The following CACNA1D variants were observed in gnomAD, a reference collection of about 807,000 sequenced individuals.
The protein encoded by CACNA1D is voltage-dependent L-type calcium channel subunit alpha-1D.
In CACNA1D, 55 loss-of-function variants were observed where a neutral mutation model predicts 257.1. The observed-to-expected ratio is 0.21, with a 90% confidence interval of 0.17 to 0.27. CACNA1D has a LOEUF of 0.27. CACNA1D is among the 10% of genes least tolerant of loss of function. The probability of loss-of-function intolerance (pLI) is 1.00; values close to 1 mark genes in which losing one functional copy is unlikely to be tolerated. For missense variants in CACNA1D, 1,876 were observed against 2,784.0 expected (o/e 0.67, Z 7.34); for synonymous variants, 980 against 1,014.9 (o/e 0.97, Z 0.65).
intron 3 of CACNA1D, among the ~76,000 whole-genome samples, chr3:53,642,200 T>A (rs2093961851): frequency 6.6e-6 from 1 of 152,172 alleles, no homozygotes; most frequent in African/African-American, 2.4e-5. Flanking sequence ...ACTGGCACAC[T>A]TTCTCTTCAT....
chr3:53,510,837 G>C (rs543972603), intron 3 of CACNA1D, among the ~76,000 whole-genome samples: 1 of 152,242 alleles, frequency 6.6e-6, no homozygotes, highest in African/African-American at 2.4e-5. Context: ...CCACAAACCT[G>C]AGCCCTAGAT....
rs375811590 is a variant in CACNA1D at position 53,811,337 on chromosome 3, C to T, written c.6417C>T (p.Asp2139=). Residue 2139 remains aspartate (D), a synonymous_variant, in exon 48 of 48, where the codon GAC becomes GAT. Transcript: ENST00000350061. This position sits in a 1 kb window ranked among gnomAD's most constrained non-coding sequence, Gnocchi z 4.2. ...AGGACTTTGGTCCTGGCTACAGCGACGAAGAGCCAGACCCTGGGAGGGATG... is the reference window on the plus strand; with the variant it reads ...AGGACTTTGGTCCTGGCTACAGCGATGAAGAGCCAGACCCTGGGAGGGATG... ...ELQDFGPGYS[D]EEPDPGRDEE... is the part of the protein sequence containing the mutation. 134 of 1,605,270 alleles carry T rather than the reference C, an allele frequency of 8.3e-5. No individual in the cohort carries two copies. In the African/African-American group the frequency reaches 1.4e-3, roughly 17 times the overall value.
chr3:53,776,090 T>G (rs574074507), intron 35 of CACNA1D, 45 bp downstream of exon 35: 12 of 1,563,800 alleles, frequency 7.7e-6, no homozygotes, highest in Admixed American at 1.7e-5. Context: ...CAGATGCTTA[T>G]GTAGCAGTCA....
At chr3:53,609,594 G>C (rs183680389) in intron 3 of CACNA1D, among the ~76,000 whole-genome samples, 1 of 152,102 alleles carries the variant, frequency 6.6e-6, no homozygotes, top group Admixed American at 6.5e-5. Context: ...TATTTTCAAA[G>C]TCTATAGGTA....
Position 53,690,259 on chromosome 3 carries a change from C to G in CACNA1D, c.1221-12382C>G, listed in dbSNP as rs1263247055. ...TGTCTTCCCAGCCTGGGTCTGTGCT[C>G]GTACATCCTCAGCTGCTGTATTCTC... On this transcript the variant is annotated intron_variant, in intron 8 of 47. Coordinates refer to ENST00000350061, the MANE Select transcript of CACNA1D (RefSeq NM_001128840.3). 2.6e-5 allele frequency among the ~76,000 whole-genome samples: 4 copies of G among 152,320 alleles called. No individual in the cohort carries two copies. In the East Asian group the frequency reaches 5.8e-4, roughly 22 times the overall value.
chr3:53,600,490 A>G (rs1473777238), intron 3 of CACNA1D, among the ~76,000 whole-genome samples: 1 of 152,254 alleles, frequency 6.6e-6, no homozygotes, highest in Admixed American at 6.5e-5. Context: ...CCCATGAGAT[A>G]GGAACAGACA....
At chr3:53,667,822 T>A (rs2094283139) in intron 7 of CACNA1D, among the ~76,000 whole-genome samples, 1 of 146,750 alleles carries the variant, frequency 6.8e-6, no homozygotes, top group African/African-American at 2.6e-5. Flanking sequence ...GGAGTGTGAG[T>A]GTGTGTGTGT....
chr3:53,731,126 A>G lies in CACNA1D; in HGVS notation c.2386A>G (p.Ile796Val). 2 of 1,610,924 alleles carry G rather than the reference A, an allele frequency of 1.2e-6. No individual in the cohort carries two copies. The highest frequency in any genetic ancestry group is 1.7e-6 in the Non-Finnish European group (2 of 1,177,032). Residue 796 changes from isoleucine to valine, a missense_variant, in exon 17 of 48, where the codon ATA becomes GTA. By Grantham distance (29) the Ile-to-Val change is conservative. This residue lies in a region of CACNA1D where 78 missense variants were observed against 69.2 expected (regional missense o/e 1.13). Transcript: ENST00000350061. ...GAACAACAAACCAGAAGTCAACCAG[A>G]TAGCCAACAGTGACAACAAGGTATG... Reference protein sequence around the residue: ...KKNNKPEVNQIANSDNKVTID... With the variant: ...KKNNKPEVNQVANSDNKVTID...
chr3:53,787,552 C>CAGG, intron 40 of CACNA1D, among the ~76,000 whole-genome samples: 1 of 152,176 alleles, frequency 6.6e-6, no homozygotes, highest in Non-Finnish European at 1.5e-5. Flanking sequence ...CAGCCAGCCT[C>CAGG]TGGTCCCTCT....
intron 3 of CACNA1D, among the ~76,000 whole-genome samples, chr3:53,612,749 G>A (rs956420808): frequency 1.8e-4 from 28 of 152,202 alleles, no homozygotes; most frequent in African/African-American, 5.8e-4. Context: ...TCTGCTTCAC[G>A]TTTCAGAATG....
intron 9 of CACNA1D, among the ~76,000 whole-genome samples, chr3:53,718,090 G>A (rs1453835606): frequency 2.0e-5 from 3 of 152,176 alleles, no homozygotes; most frequent in Non-Finnish European, 4.4e-5. Flanking sequence ...GGGGGACTGT[G>A]TTTCCTACAG....
intron 8 of CACNA1D, among the ~76,000 whole-genome samples, chr3:53,697,765 G>A (rs962647840): frequency 4.6e-5 from 7 of 152,082 alleles, no homozygotes; most frequent in Non-Finnish European, 1.5e-5. Flanking sequence ...TTATTTCAGT[G>A]CTCAAATTTC....
chr3:53,508,673 T>TA (rs2090969196), intron 3 of CACNA1D, among the ~76,000 whole-genome samples: 1 of 152,210 alleles, frequency 6.6e-6, no homozygotes, highest in Non-Finnish European at 1.5e-5. Context: ...TCTTTTTTTT[T>TA]AACCTTCCTC....
At chr3:53,534,024 T>C (rs1229750049) in intron 3 of CACNA1D, among the ~76,000 whole-genome samples, 2 of 152,190 alleles carry the variant, frequency 1.3e-5, no homozygotes, top group African/African-American at 4.8e-5. Context: ...GTAGAGGAGC[T>C]GAAGCCACTG....
At chr3:53,747,493 C>T (rs373930094) in intron 26 of CACNA1D, 45 bp downstream of exon 26, 1 of 1,600,772 alleles carries the variant, frequency 6.2e-7, no homozygotes, top group Non-Finnish European at 8.6e-7. Context: ...CACCTGCGTG[C>T]CCAGGGCTGA....
intron 8 of CACNA1D, among the ~76,000 whole-genome samples, chr3:53,691,663 T>G (rs2094520536): frequency 8.1e-6 from 1 of 123,976 alleles, no homozygotes; most frequent in South Asian, 2.4e-4. Flanking sequence ...AGTGTGTGTG[T>G]GTGTATATAT....
At position 53,723,487 on chromosome 3, in the gene CACNA1D, A is replaced by G. The variant is rs1257400925; in HGVS notation, c.1720A>G (p.Met574Val). The G allele has an allele frequency of 6.2e-7, 1 of 1,614,164 alleles. No individual in the cohort carries two copies. Among genetic ancestry groups the G allele is most frequent in the Admixed American group, 1.7e-5 (1 of 60,020 alleles). The change falls in exon 13 of 48, where the codon ATG becomes GTG. Residue 574 changes from methionine (M) to valine (V), a missense_variant. Met to Val is a conservative substitution (Grantham distance 21). Around this residue, in one of 10 missense-constraint regions of CACNA1D, gnomAD observed 257 missense variants for 399.7 expected, o/e 0.64. Transcript: ENST00000350061. The surrounding 1 kb of genome is among the most constrained non-coding windows in gnomAD (Gnocchi z 5.6). ...ALFTCEMLVK[M>V]YSLGLQAYFV... Reference sequence around the variant, plus strand: ...GTTCACCTGCGAGATGCTGGTAAAAATGTACAGCTTGGGCCTCCAAGCATA... The same window carrying G: ...GTTCACCTGCGAGATGCTGGTAAAAGTGTACAGCTTGGGCCTCCAAGCATA...
At chr3:53,684,625 A>C (rs2094459124) in intron 8 of CACNA1D, among the ~76,000 whole-genome samples, 1 of 98,084 alleles carries the variant, frequency 1.0e-5, no homozygotes, top group Non-Finnish European at 2.3e-5. Flanking sequence ...CTCTGTCAAA[A>C]AAAAAAAAAA....
intron 3 of CACNA1D, among the ~76,000 whole-genome samples, chr3:53,521,480 G>C (rs1394250633): frequency 6.6e-6 from 1 of 152,216 alleles, no homozygotes; most frequent in African/African-American, 2.4e-5. Context: ...AGTAACGGGA[G>C]GCACTGTGAT....
Sources: allele counts gnomAD v4.1 joint callset (sites outside exome capture counted in the v4.1 genomes callset), GRCh38; gene constraint gnomAD v4.1.1; regional missense constraint gnomAD v4.1.1; non-coding constraint Gnocchi (gnomAD v3.1); transcripts MANE v1.5; gene names NCBI Gene and HGNC (gene_info 2026-07-23, HGNC 2026-07-21).